Variants in DNM1 observed in about 807,000 individuals in gnomAD.
The protein encoded by DNM1 is dynamin 1.
In DNM1, 29 loss-of-function variants were observed where a neutral mutation model predicts 104.6. That is an observed-to-expected ratio of 0.28 (90% CI 0.21 to 0.38). DNM1 has a LOEUF of 0.38. Ranked by LOEUF, DNM1 falls within the 10% of genes least tolerant of loss-of-function variation. The pLI, the probability that DNM1 is intolerant of heterozygous loss-of-function variation, is 1.00. For synonymous variants in DNM1, 445 were observed against 475.8 expected, an observed-to-expected ratio of 0.94 and a Z score of 0.84; for missense variants, 640 against 1,189.4, an observed-to-expected ratio of 0.54 and a Z score of 6.79.
chr9:128,203,462 G>A lies in DNM1; in HGVS notation c.-9G>A, dbSNP rs1211001656. The A allele has an allele frequency of 2.0e-6, 3 of 1,476,942 alleles. No individual in the cohort carries two copies. The highest frequency in any genetic ancestry group is 1.8e-6 in the Non-Finnish European group (2 of 1,113,140). The allele number at this position is 1,476,942 out of a possible 1,614,324, so 91.5% of individuals were successfully genotyped here. ...AGCCGGATCGCAGCCTGCGGGGCCCGCCGCAGCCATGGGCAACCGCGGCAT... is the reference window on the plus strand; with the variant it reads ...AGCCGGATCGCAGCCTGCGGGGCCCACCGCAGCCATGGGCAACCGCGGCAT... On this transcript the variant is annotated 5_prime_UTR_variant, in exon 1 of 22. Coordinates refer to ENST00000372923, the MANE Select transcript of DNM1 (RefSeq NM_004408.4). This position sits in a 1 kb window ranked among gnomAD's most constrained non-coding sequence, Gnocchi z 5.3.
Position 128,219,072 on chromosome 9 carries a change from C to A in DNM1, c.409C>A (p.Leu137Met), listed in dbSNP as rs1834787495. 6.2e-7 allele frequency: 1 copy of A among 1,613,982 alleles called. No homozygotes were observed. The highest frequency in any genetic ancestry group is 1.3e-5 in the African/African-American group (1 of 74,954). The change falls in exon 4 of 22, where the codon CTG (leucine) becomes ATG (methionine). Residue 137 changes from leucine (L) to methionine (M), a missense_variant. This residue lies in a region of DNM1 where 172 missense variants were observed against 335.3 expected (regional missense o/e 0.51). Coordinates refer to ENST00000372923, the MANE Select transcript of DNM1 (RefSeq NM_004408.4). ...AGTGCTGAACCTGACCCTGGTGGAC[C>A]TGCCCGGAATGACCAAGGTCCCGGT... ...PHVLNLTLVD[L>M]PGMTKVPVGD...
chr9:128,246,216 G>A (rs1424714094), intron 15 of DNM1, among the ~76,000 whole-genome samples, 178 bp from the exon 16 acceptor site: 1 of 152,104 alleles, frequency 6.6e-6, no homozygotes, highest in African/African-American at 2.4e-5. Context: ...GGCTCTGCGG[G>A]GGTCGGCGGT....
At position 128,242,150 on chromosome 9, in the gene DNM1, C is replaced by T. The variant is rs111681321; in HGVS notation, c.1558-82C>T. The stretch of plus-strand genomic sequence containing the variant: ...GAGAGCTGGGAGAGGGGTGGGGTTT[C>T]GAATGCCTCTCTTTGCCTACCCCAT... On this transcript the variant is annotated intron_variant, in intron 14 of 21. Transcript: ENST00000372923. 405 of 804,200 alleles carry T rather than the reference C, an allele frequency of 5.0e-4. 2 individuals carry two copies. The African/African-American group carries it at 5.6e-3, about 11-fold the overall frequency. 49.8% of individuals were successfully genotyped at this position (804,200 alleles called of 1,614,324 possible). A position where few individuals can be genotyped will look rare whatever the true frequency, so the allele number is the denominator to read the frequency against.
At chr9:128,216,110 T>C (rs1834588898) in intron 1 of DNM1, among the ~76,000 whole-genome samples, 1 of 152,140 alleles carries the variant, frequency 6.6e-6, no homozygotes, top group Admixed American at 6.5e-5. Flanking sequence ...TCTGTTTACT[T>C]GTCTGTCTCT....
Position 128,218,900 on chromosome 9 carries a change from A to G in DNM1, c.386-149A>G. ...TCCGCCCACTTCCGGCCACGCCTCC[A>G]ACAGACTGCCACTTTCGCCCTGAGA... On this transcript the variant is annotated intron_variant, in intron 3 of 21. Coordinates refer to ENST00000372923, the MANE Select transcript of DNM1 (RefSeq NM_004408.4). This position sits in a 1 kb window ranked among gnomAD's most constrained non-coding sequence, Gnocchi z 4.8. 2.3e-6 allele frequency: 3 copies of G among 1,288,452 alleles called. No homozygotes were observed. In the South Asian group the frequency reaches 4.2e-5, roughly 18 times the overall value. The allele number at this position is 1,288,452 out of a possible 1,614,324, so 79.8% of individuals were successfully genotyped here. A position where few individuals can be genotyped will look rare whatever the true frequency, so the allele number is the denominator to read the frequency against.
At chr9:128,205,618 A>C (rs1192550708) in intron 1 of DNM1, among the ~76,000 whole-genome samples, 1 of 152,104 alleles carries the variant, frequency 6.6e-6, no homozygotes, top group African/African-American at 2.4e-5. Context: ...CCATTTCCCC[A>C]TCTGCGGAAT....
intron 1 of DNM1, among the ~76,000 whole-genome samples, chr9:128,214,280 G>T (rs890928548): frequency 1.3e-5 from 2 of 152,140 alleles, no homozygotes; most frequent in Non-Finnish European, 2.9e-5. Context: ...CCATCAGTCT[G>T]TATAAGCCTC....
In DNM1 at chr9:128,253,980, G is replaced by T; in HGVS notation, c.2535-674G>T. On this transcript the variant is annotated intron_variant, in intron 21 of 21. Transcript: ENST00000372923. This position sits in a 1 kb window ranked among gnomAD's most constrained non-coding sequence, Gnocchi z 5.9. ...GCCCACCCCCCATTCTCCTGCCACT[G>T]ACTCTCGCTCTTCTGCTTTTCCCAG... The T allele has an allele frequency of 8.1e-7, 1 of 1,233,720 alleles. No homozygotes were observed. The highest frequency in any genetic ancestry group is 4.1e-5 in the South Asian group (1 of 24,418). 76.4% of individuals were successfully genotyped at this position (1,233,720 alleles called of 1,614,324 possible).
chr9:128,229,151 G>T (rs1461265963), intron 10 of DNM1, among the ~76,000 whole-genome samples: 3 of 152,078 alleles, frequency 2.0e-5, no homozygotes, highest in Non-Finnish European at 4.4e-5. Flanking sequence ...CAGAACTTTG[G>T]GAAGCTGAAG....
rs1199285294 is a variant in DNM1 at position 128,253,783 on chromosome 9, A to G, written c.2535-871A>G. The G allele has an allele frequency of 6.8e-6, 3 of 442,238 alleles. No individual in the cohort carries two copies. The highest frequency in any genetic ancestry group is 7.2e-6 in the Non-Finnish European group (2 of 278,128). The allele number at this position is 442,238 out of a possible 1,614,324, so 27.4% of individuals were successfully genotyped here. A position where few individuals can be genotyped will look rare whatever the true frequency, so the allele number is the denominator to read the frequency against. ...CACACAGCCCCCTTCCCTCCCTCCC[A>G]GGTACCGTCATAGCTGCTAGTGTGA... is the stretch of plus-strand genomic sequence containing the variant. On this transcript the variant is annotated intron_variant, in intron 21 of 21. Coordinates refer to ENST00000372923, the MANE Select transcript of DNM1 (RefSeq NM_004408.4). The surrounding 1 kb of genome is among the most constrained non-coding windows in gnomAD (Gnocchi z 5.9).
Position 128,218,685 on chromosome 9 carries a change from G to C in DNM1, c.339G>C (p.Lys113Asn). The C allele has an allele frequency of 6.2e-7, 1 of 1,612,444 alleles. No homozygotes were observed. ...CCGACAGGGTCACCGGCACCAACAA[G>C]GGCATCTCGCCGGTGCCTATCAACC... is the stretch of plus-strand genomic sequence containing the variant. ...AETDRVTGTN[K>N]GISPVPINLR... is the part of the protein sequence containing the mutation. The change falls in exon 3 of 22, where the codon AAG becomes AAC. Residue 113 changes from lysine (K) to asparagine (N), a missense_variant. This residue lies in a region of DNM1 where 172 missense variants were observed against 335.3 expected (regional missense o/e 0.51). Coordinates refer to ENST00000372923, the MANE Select transcript of DNM1 (RefSeq NM_004408.4). The surrounding 1 kb of genome is among the most constrained non-coding windows in gnomAD (Gnocchi z 4.8).
rs1292162165 is a variant in DNM1 at position 128,220,957 on chromosome 9, TTTC to T, written c.849+622_849+624del. ...TCTTTTCTTTTCTTTCTTTCTTTCC[TTTC>T]TTCTTTCTTTCTTTCTCTTTCTTTC... On this transcript the variant is annotated intron_variant, in intron 6 of 21. Transcript: ENST00000372923. This position sits in a 1 kb window ranked among gnomAD's most constrained non-coding sequence, Gnocchi z 5.2. 2.7e-5 allele frequency among the ~76,000 whole-genome samples: 4 copies of T among 149,100 alleles called. No individual in the cohort carries two copies. Among genetic ancestry groups the T allele is most frequent in the Admixed American group, 1.3e-4 (2 of 14,946 alleles).
Position 128,239,823 on chromosome 9 carries a change from G to A in DNM1, c.1545+44G>A, listed in dbSNP as rs376464388. 2.3e-5 allele frequency: 37 copies of A among 1,593,544 alleles called. 1 individual carries two copies. Among genetic ancestry groups the A allele is most frequent in the South Asian group, 5.5e-5 (5 of 90,132 alleles). On this transcript the variant is annotated intron_variant, in intron 13 of 21. Coordinates refer to ENST00000372923, the MANE Select transcript of DNM1 (RefSeq NM_004408.4). ...CCCAGCCCGAGGGATGGAGGGTGCC[G>A]GACGGACACCAGACTCTGAGAGCCC...
At chr9:128,209,461 A>C (rs918903160) in intron 1 of DNM1, among the ~76,000 whole-genome samples, 1 of 152,162 alleles carries the variant, frequency 6.6e-6, no homozygotes, top group Non-Finnish European at 1.5e-5. Context: ...TCAGGCGTGG[A>C]GAAACGGACG....
chr9:128,224,194 C>A lies in DNM1; in HGVS notation c.1197-57C>A. ...GCTTGGGGAGGAGCCTCGGCCTGGC[C>A]CTCCTGGCCGGCACTGGCCTGTGAC... On this transcript the variant is annotated intron_variant, in intron 9 of 21. Transcript: ENST00000372923. The surrounding 1 kb of genome is among the most constrained non-coding windows in gnomAD (Gnocchi z 4.3). 6.4e-7 allele frequency: 1 copy of A among 1,564,922 alleles called. No individual in the cohort carries two copies. The highest frequency in any genetic ancestry group is 8.7e-7 in the Non-Finnish European group (1 of 1,152,274).
chr9:128,226,426 T>C (rs1296906475), intron 10 of DNM1, among the ~76,000 whole-genome samples: 1 of 152,242 alleles, frequency 6.6e-6, no homozygotes, highest in Non-Finnish European at 1.5e-5. Context: ...GTTAAGGAGA[T>C]GGCAGCTGTT....
intron 14 of DNM1, among the ~76,000 whole-genome samples, chr9:128,241,401 A>G (rs1564346635): frequency 1.3e-5 from 2 of 152,322 alleles, no homozygotes; most frequent in East Asian, 1.9e-4. Flanking sequence ...TCCTGCCATG[A>G]AAAGGGACCT....
chr9:128,237,441 T>G (rs1306032768), intron 11 of DNM1, among the ~76,000 whole-genome samples: 1 of 151,978 alleles, frequency 6.6e-6, no homozygotes, highest in Non-Finnish European at 1.5e-5. Flanking sequence ...TTTGTATTTT[T>G]GTAGAGACAG....
intron 1 of DNM1, chr9:128,204,696 GAAGT>G (rs1833801965): frequency 6.6e-6 from 1 of 152,300 alleles, no homozygotes; most frequent in African/African-American, 2.4e-5. Context: ...ACTGGGGGAT[GAAGT>G]GAGAGAGTTT....
Sources: allele counts gnomAD v4.1 joint callset (sites outside exome capture counted in the v4.1 genomes callset), GRCh38; gene constraint gnomAD v4.1.1; regional missense constraint gnomAD v4.1.1; non-coding constraint Gnocchi (gnomAD v3.1); transcripts MANE v1.5; gene names NCBI Gene and HGNC (gene_info 2026-07-23, HGNC 2026-07-21).